Variants in ZNF57 observed in about 807,000 individuals in gnomAD.
The protein encoded by ZNF57 is zinc finger protein 424.
A neutral mutation model predicts 13.4 loss-of-function variants in ZNF57; 11 were observed. The observed-to-expected ratio is 0.82, with a 90% confidence interval of 0.52 to 1.36. The LOEUF (loss-of-function observed/expected upper bound fraction) is 1.36, where lower values mean the gene tolerates loss of function less well. Ranked by LOEUF, ZNF57 falls within the 40% of genes most tolerant of loss-of-function variation. The pLI, the probability that ZNF57 is intolerant of heterozygous loss-of-function variation, is 0.00. For synonymous variants in ZNF57, 224 were observed against 238.5 expected, an observed-to-expected ratio of 0.94 and a Z score of 0.56; for missense variants, 696 against 667.5, an observed-to-expected ratio of 1.04 and a Z score of -0.47.
rs752634385 is a variant in ZNF57, at chr19:2,917,596, C to A, written c.975C>A (p.Val325=). 3 of 1,612,892 alleles carry A rather than the reference C, an allele frequency of 1.9e-6. No homozygotes were observed. In the Admixed American group the frequency reaches 5.0e-5, roughly 27 times the overall value. The part of the protein sequence containing the change: ...KTFSWSETLR[V]HMRIHTGDKL... ...TCAGTTGGTCTGAAACCTTGCGAGT[C>A]CACATGAGGATCCACACTGGGGACA... The change falls in exon 4 of 4, where the codon GTC becomes GTA. Residue 325 remains valine (V), a synonymous_variant. Transcript: ENST00000306908.
chr19:2,909,281 G>A (rs28581370), intron 1 of ZNF57, among the ~76,000 whole-genome samples: 81 of 107,178 alleles, frequency 7.6e-4, no homozygotes, highest in African/African-American at 2.6e-3. Context: ...ATTTATTTTT[G>A]TTTTTTTTTT....
At chr19:2,910,544 G>A (rs12973259) in intron 1 of ZNF57, among the ~76,000 whole-genome samples, 1 of 77,092 alleles carries the variant, frequency 1.3e-5, no homozygotes, top group African/African-American at 4.1e-5. Context: ...CACTGCAAGC[G>A]CCGCCTCCTG....
intron 1 of ZNF57, among the ~76,000 whole-genome samples, chr19:2,905,870 A>C (rs570189494): frequency 1.3e-5 from 2 of 152,206 alleles, no homozygotes; most frequent in African/African-American, 4.8e-5. Flanking sequence ...TTTTTCATAA[A>C]TTCAAAAACA....
intron 1 of ZNF57, among the ~76,000 whole-genome samples, chr19:2,904,918 C>G (rs1168805797): frequency 6.6e-6 from 1 of 152,098 alleles, no homozygotes; most frequent in African/African-American, 2.4e-5. Flanking sequence ...GAACTAACTT[C>G]TGAATGGGCT....
chr19:2,906,523 T>G (rs905509010), intron 1 of ZNF57, among the ~76,000 whole-genome samples: 5 of 152,212 alleles, frequency 3.3e-5, no homozygotes, highest in Non-Finnish European at 7.3e-5. Context: ...TGGAGTTGAT[T>G]GCACAGCCTT....
At chr19:2,908,528 T>C (rs1453187476) in intron 1 of ZNF57, among the ~76,000 whole-genome samples, 2 of 136,716 alleles carry the variant, frequency 1.5e-5, no homozygotes, top group Non-Finnish European at 3.0e-5. Flanking sequence ...TAGCGCGCAC[T>C]CGAAGCTCCG....
At position 2,918,357 on chromosome 19, in the gene ZNF57, C is replaced by T. The variant is rs1599607064; in HGVS notation, c.*68C>T. On this transcript the variant is annotated 3_prime_UTR_variant, in exon 4 of 4. Coordinates refer to ENST00000306908, the MANE Select transcript of ZNF57 (RefSeq NM_173480.3). ...CATGTATAATGCTCCAGAAAATTCA[C>T]ACCAGGAGAGAAATCTTACAAGTAT... The T allele has an allele frequency of 2.0e-6, 3 of 1,474,984 alleles. No homozygotes were observed. The highest frequency in any genetic ancestry group is 2.3e-5 in the East Asian group (1 of 43,782). The allele number at this position is 1,474,984 out of a possible 1,614,324, so 91.4% of individuals were successfully genotyped here.
chr19:2,911,227 C>G (rs4807361), intron 1 of ZNF57, among the ~76,000 whole-genome samples: 1 of 152,014 alleles, frequency 6.6e-6, no homozygotes, highest in Non-Finnish European at 1.5e-5. Context: ...CCAAGCCCAG[C>G]TTATTTTTAA....
chr19:2,917,724 A>C lies in ZNF57; in HGVS notation c.1103A>C (p.Gln368Pro). 6.2e-7 allele frequency: 1 copy of C among 1,613,910 alleles called. No homozygotes were observed. The highest frequency in any genetic ancestry group is 8.5e-7 in the Non-Finnish European group (1 of 1,179,942). Residue 368 changes from glutamine to proline, a missense_variant, in exon 4 of 4, where the codon CAA (glutamine) becomes CCA (proline). Transcript: ENST00000306908. Reference protein sequence around the residue: ...HTGEKPYECKQCGKAFTWSST... With the variant: ...HTGEKPYECKPCGKAFTWSST... ...GGAGAGAAACCTTATGAGTGTAAAC[A>C]ATGTGGGAAAGCCTTCACTTGGTCC...
intron 1 of ZNF57, among the ~76,000 whole-genome samples, chr19:2,907,763 G>GGC (rs1394094030): frequency 5.9e-5 from 9 of 152,200 alleles, no homozygotes; most frequent in African/African-American, 2.2e-4. Flanking sequence ...GCCCAGACTG[G>GGC]AGTACAGTGG....
intron 1 of ZNF57, among the ~76,000 whole-genome samples, chr19:2,914,877 C>T (rs1175476439): frequency 6.6e-6 from 1 of 152,150 alleles, no homozygotes; most frequent in Non-Finnish European, 1.5e-5. Context: ...TGCTCCCTCC[C>T]ACCCTCCTCC....
intron 1 of ZNF57, among the ~76,000 whole-genome samples, chr19:2,911,317 G>A (rs1166579113): frequency 6.6e-6 from 1 of 152,038 alleles, no homozygotes; most frequent in Non-Finnish European, 1.5e-5. Context: ...GATCACCTGA[G>A]GTCAGGAGTT....
chr19:2,915,478 T>A (rs769057232), intron 1 of ZNF57, 44 bp from the exon 2 acceptor site: 1 of 1,598,838 alleles, frequency 6.3e-7, no homozygotes, highest in Non-Finnish European at 8.5e-7. Flanking sequence ...CCCAGTACTT[T>A]CAGTGTCTCC....
chr19:2,904,969 G>A (rs762374674), intron 1 of ZNF57, among the ~76,000 whole-genome samples: 1 of 152,160 alleles, frequency 6.6e-6, no homozygotes, highest in Non-Finnish European at 1.5e-5. Context: ...TTATGCCGAC[G>A]ATTGAACTTG....
At chr19:2,906,810 G>A (rs1366388093) in intron 1 of ZNF57, among the ~76,000 whole-genome samples, 2 of 152,192 alleles carry the variant, frequency 1.3e-5, no homozygotes, top group African/African-American at 2.4e-5. Flanking sequence ...ATTTCAGGAA[G>A]GAGGTTCTGT....
Position 2,917,097 on chromosome 19 carries a change from T to C in ZNF57, c.476T>C (p.Val159Ala), listed in dbSNP as rs1215454688. The change falls in exon 4 of 4, where the codon GTC becomes GCC. Residue 159 changes from valine to alanine, a missense_variant. Physicochemically the swap from Val to Ala is moderately conservative, Grantham distance 64. Coordinates refer to ENST00000306908, the MANE Select transcript of ZNF57 (RefSeq NM_173480.3). ...CATCTTTCTTCTCTTAAAAGGCACG[T>C]CAAGTCTCACTGTGGACGAAAAGCA... ...FTHLSSLKRHVKSHCGRKAPP... is the reference protein window; with the variant it reads ...FTHLSSLKRHAKSHCGRKAPP... 6.2e-7 allele frequency: 1 copy of C among 1,614,084 alleles called. No individual in the cohort carries two copies. Among genetic ancestry groups the C allele is most frequent in the Admixed American group, 1.7e-5 (1 of 60,014 alleles).
chr19:2,909,911 T>G (rs1245471848), intron 1 of ZNF57, among the ~76,000 whole-genome samples: 1 of 48,118 alleles, frequency 2.1e-5, no homozygotes, highest in African/African-American at 4.7e-5. Flanking sequence ...AGTGTCAGTC[T>G]TCCAACTTGA....
intron 1 of ZNF57, 170 bp from the exon 2 acceptor site, chr19:2,915,352 C>A (rs2088180875): frequency 2.5e-6 from 2 of 799,712 alleles, no homozygotes; most frequent in South Asian, 3.8e-5. Flanking sequence ...GATAGTGGTG[C>A]CATGAAGTTT....
At chr19:2,901,546 G>A (rs769470028) in intron 1 of ZNF57, among the ~76,000 whole-genome samples, 14 of 151,824 alleles carry the variant, frequency 9.2e-5, no homozygotes, top group Non-Finnish European at 2.9e-5. Flanking sequence ...TTTTGGGACG[G>A]AGTCCCGCTC....
Sources: allele counts gnomAD v4.1 joint callset (sites outside exome capture counted in the v4.1 genomes callset), GRCh38; gene constraint gnomAD v4.1.1; transcripts MANE v1.5; gene names NCBI Gene and HGNC (gene_info 2026-07-23, HGNC 2026-07-21).